The following TRIM9 variants were observed in gnomAD, a reference collection of about 807,000 sequenced individuals.
TRIM9 encodes E3 ubiquitin-protein ligase TRIM9.
A neutral mutation model predicts 78.3 loss-of-function variants in TRIM9; 26 were observed. The ratio of observed to expected loss-of-function variants is 0.33; its 90% CI spans 0.24 to 0.46. The LOEUF (loss-of-function observed/expected upper bound fraction) is 0.46. TRIM9 is among the 20% of genes least tolerant of loss of function. The probability of loss-of-function intolerance (pLI) is 1.00; values close to 1 mark genes in which losing one functional copy is unlikely to be tolerated. For missense variants in TRIM9, 787 were observed against 1,036.4 expected (o/e 0.76, Z 3.30); for synonymous variants, 398 against 416.5 (o/e 0.96, Z 0.54).
chr14:51,014,442 A>C (rs1043020940), intron 3 of TRIM9, among the ~76,000 whole-genome samples: 2 of 152,134 alleles, frequency 1.3e-5, no homozygotes, highest in African/African-American at 4.8e-5. Flanking sequence ...ATTTTGGTCC[A>C]CCTTTTTTAC....
chr14:51,006,860 T>C (rs1436377463), intron 5 of TRIM9, among the ~76,000 whole-genome samples: 1 of 152,146 alleles, frequency 6.6e-6, no homozygotes, highest in Non-Finnish European at 1.5e-5. Context: ...GCCTTGTCCC[T>C]CTTACTTTTG....
intron 1 of TRIM9, among the ~76,000 whole-genome samples, chr14:51,044,474 G>T (rs531564169): frequency 1.1e-4 from 17 of 152,308 alleles, no homozygotes; most frequent in African/African-American, 3.9e-4. Flanking sequence ...CCTTTAAAGG[G>T]AACTGATTCA....
At chr14:50,979,602 C>T (rs918897000) in intron 11 of TRIM9, 53 bp from the exon 12 acceptor site, 1 of 1,484,696 alleles carries the variant, frequency 6.7e-7, no homozygotes, top group Non-Finnish European at 9.3e-7. Flanking sequence ...ACTCTAGAAG[C>T]TCCCCCCTTT....
chr14:51,044,039 C>A (rs954554172), intron 1 of TRIM9, among the ~76,000 whole-genome samples: 2 of 152,148 alleles, frequency 1.3e-5, no homozygotes. Context: ...GTTACGTGTT[C>A]TGTCCATGAT....
chr14:51,088,084 T>G (rs2063935991), intron 1 of TRIM9, among the ~76,000 whole-genome samples: 1 of 152,316 alleles, frequency 6.6e-6, no homozygotes, highest in East Asian at 1.9e-4. Context: ...GTTTAAAAAA[T>G]AAAATAAATT....
At position 50,993,438 on chromosome 14, in the gene TRIM9, A is replaced by G. The variant is rs551070226; in HGVS notation, c.1603+4612T>C. Among the ~76,000 whole-genome samples the G allele has an allele frequency of 3.3e-5, 5 of 150,406 alleles. No homozygotes were observed. The East Asian group carries it at 9.8e-4, about 29-fold the overall frequency. ...GGCTGGAGTGGAATGGTGCAATCTCAGCTCACCGCAACCTCTGCCTCCCAG... is the reference window on the plus strand; with the variant it reads ...GGCTGGAGTGGAATGGTGCAATCTCGGCTCACCGCAACCTCTGCCTCCCAG... On this transcript the variant is annotated intron_variant, in intron 7 of 12. Transcript: ENST00000684578.
intron 1 of TRIM9, among the ~76,000 whole-genome samples, chr14:51,053,595 A>ATT (rs59227932): frequency 9.7e-5 from 8 of 82,190 alleles, no homozygotes; most frequent in South Asian, 3.6e-4. Flanking sequence ...TTTTTTTTTA[A>ATT]TTTTTTTTTT....
chr14:51,092,718 T>C (rs747614517), intron 1 of TRIM9, among the ~76,000 whole-genome samples: 7 of 152,218 alleles, frequency 4.6e-5, no homozygotes, highest in African/African-American at 1.7e-4. Flanking sequence ...CTAAGCAGTG[T>C]GGGCATATTA....
At chr14:51,054,978 C>T (rs946235811) in intron 1 of TRIM9, among the ~76,000 whole-genome samples, 3 of 151,754 alleles carry the variant, frequency 2.0e-5, no homozygotes, top group African/African-American at 2.4e-5. Flanking sequence ...AACAAGCGCG[C>T]GCCACCAGGC....
intron 1 of TRIM9, among the ~76,000 whole-genome samples, chr14:51,077,363 C>G (rs1351449553): frequency 6.7e-6 from 1 of 149,872 alleles, no homozygotes; most frequent in Non-Finnish European, 1.5e-5. Context: ...TAAGTCCTGG[C>G]CCTCAGTCTC....
At chr14:51,014,050 C>A (rs2056880422) in intron 3 of TRIM9, among the ~76,000 whole-genome samples, 1 of 152,126 alleles carries the variant, frequency 6.6e-6, no homozygotes, top group Non-Finnish European at 1.5e-5. Flanking sequence ...ATAATAAGGA[C>A]AGATCAAATC....
chr14:50,978,515 G>C (rs72685397), intron 12 of TRIM9, among the ~76,000 whole-genome samples: 2 of 152,110 alleles, frequency 1.3e-5, no homozygotes, highest in African/African-American at 2.4e-5. Context: ...TGTCTGGAAG[G>C]CTCCACGCAA....
rs2052000381 is a variant in TRIM9 at position 50,982,104 on chromosome 14, C to T, written c.1859-1G>A. ...CCAGGGTCGAAAGCAAACCAGGCCA[C>T]TGGGAACAACAGAAGGGAATCAGGT... On this transcript the variant is annotated splice_acceptor_variant, in intron 10 of 12. Coordinates refer to ENST00000684578, the MANE Select transcript of TRIM9 (RefSeq NM_001387360.1). LOFTEE classifies it high-confidence loss of function. The T allele has an allele frequency of 6.2e-7, 1 of 1,613,628 alleles. No homozygotes were observed. The highest frequency in any genetic ancestry group is 1.1e-5 in the South Asian group (1 of 91,066).
chr14:51,081,979 G>A (rs991742485), intron 1 of TRIM9, among the ~76,000 whole-genome samples: 2 of 152,154 alleles, frequency 1.3e-5, no homozygotes, highest in African/African-American at 4.8e-5. Flanking sequence ...TGCCCTGGGG[G>A]TCAGAGGTCA....
intron 1 of TRIM9, among the ~76,000 whole-genome samples, chr14:51,029,019 C>T (rs2058497998): frequency 6.6e-6 from 1 of 152,088 alleles, no homozygotes; most frequent in Middle Eastern, 3.2e-3. Context: ...TTCTCACGCT[C>T]AGCAAATGGG....
At chr14:51,031,147 C>CAAAAAA (rs1210514761) in intron 1 of TRIM9, among the ~76,000 whole-genome samples, 11 of 100,432 alleles carry the variant, frequency 1.1e-4, no homozygotes, top group Admixed American at 2.3e-4. Context: ...AAACTCTTTC[C>CAAAAAA]AAAAAAAAAA....
At chr14:51,000,084 T>G (rs1441373285) in intron 6 of TRIM9, among the ~76,000 whole-genome samples, 1 of 152,196 alleles carries the variant, frequency 6.6e-6, no homozygotes, top group Non-Finnish European at 1.5e-5. Context: ...AAACCTTTGC[T>G]AGAAAGGTTG....
At chr14:50,990,059 C>T (rs2053290565) in intron 7 of TRIM9, among the ~76,000 whole-genome samples, 2 of 152,132 alleles carry the variant, frequency 1.3e-5, no homozygotes, top group Admixed American at 6.5e-5. Flanking sequence ...CTTGGTCATC[C>T]AGGCTAGAGT....
At chr14:51,080,695 T>C (rs904768262) in intron 1 of TRIM9, among the ~76,000 whole-genome samples, 4 of 152,194 alleles carry the variant, frequency 2.6e-5, no homozygotes, top group African/African-American at 9.7e-5. Flanking sequence ...GGCCACCTTT[T>C]TGACACCTGG....
Sources: allele counts gnomAD v4.1 joint callset (sites outside exome capture counted in the v4.1 genomes callset), GRCh38; gene constraint gnomAD v4.1.1; transcripts MANE v1.5; gene names NCBI Gene and HGNC (gene_info 2026-07-23, HGNC 2026-07-21).